Variants in KCNIP4 observed in about 807,000 individuals in gnomAD.
KCNIP4 encodes potassium voltage-gated channel interacting protein 4.
KCNIP4 carries 12 observed loss-of-function variants against 34.0 expected under a neutral mutation model. The ratio of observed to expected loss-of-function variants is 0.35; its 90% CI spans 0.23 to 0.57. The LOEUF (loss-of-function observed/expected upper bound fraction) is 0.57, where lower values mean the gene tolerates loss of function less well. Among genes scored for constraint, KCNIP4 ranks in the 20% least tolerant of loss-of-function variants. The pLI is 0.83. For missense variants in KCNIP4, 238 were observed against 311.7 expected (o/e 0.76, Z 1.78); for synonymous variants, 124 against 102.2 (o/e 1.21, Z -1.29).
chr4:21,913,912 T>C (rs1728484187), intron 1 of KCNIP4, among the ~76,000 whole-genome samples: 1 of 151,948 alleles, frequency 6.6e-6, no homozygotes, highest in African/African-American at 2.4e-5. Context: ...GTCCAAATAA[T>C]ATAAGGATGG....
At chr4:21,215,643 C>T (rs1757500023) in intron 1 of KCNIP4, among the ~76,000 whole-genome samples, 1 of 152,020 alleles carries the variant, frequency 6.6e-6, no homozygotes, top group Non-Finnish European at 1.5e-5. Flanking sequence ...AGGACTGTTG[C>T]CTGGCACATC....
chr4:21,929,050 C>A (rs1222747089), intron 1 of KCNIP4, among the ~76,000 whole-genome samples: 1 of 152,056 alleles, frequency 6.6e-6, no homozygotes, highest in Non-Finnish European at 1.5e-5. Flanking sequence ...ACTATATCCA[C>A]GAATGCAGCT....
At chr4:20,793,555 A>G (rs1416682170) in intron 3 of KCNIP4, among the ~76,000 whole-genome samples, 3 of 152,186 alleles carry the variant, frequency 2.0e-5, no homozygotes, top group Non-Finnish European at 4.4e-5. Context: ...GGTTTACTGC[A>G]GCAGTCCCCA....
At chr4:20,982,547 A>G (rs1009396574) in intron 1 of KCNIP4, among the ~76,000 whole-genome samples, 2 of 152,242 alleles carry the variant, frequency 1.3e-5, no homozygotes, top group Non-Finnish European at 2.9e-5. Flanking sequence ...TTACAGTATT[A>G]TTTGTATTGT....
At chr4:21,420,091 G>A (rs527264335) in intron 1 of KCNIP4, among the ~76,000 whole-genome samples, 7 of 152,096 alleles carry the variant, frequency 4.6e-5, no homozygotes, top group Admixed American at 1.3e-4. Flanking sequence ...GTATCCTCAC[G>A]AAATAGACAG....
At chr4:20,955,547 T>C (rs1161971094) in intron 1 of KCNIP4, among the ~76,000 whole-genome samples, 5 of 152,070 alleles carry the variant, frequency 3.3e-5, no homozygotes, top group East Asian at 3.9e-4. Context: ...GCCACTTCTA[T>C]CTTGAGCACT....
chr4:21,617,155 T>G (rs1486164522), intron 1 of KCNIP4, among the ~76,000 whole-genome samples: 4 of 152,198 alleles, frequency 2.6e-5, no homozygotes. Context: ...GATAACAAAT[T>G]AAAAGGTTGT....
At chr4:21,763,777 T>C (rs1718213972) in intron 1 of KCNIP4, among the ~76,000 whole-genome samples, 1 of 152,202 alleles carries the variant, frequency 6.6e-6, no homozygotes, top group Non-Finnish European at 1.5e-5. Flanking sequence ...TCTTGTTATA[T>C]ACATCTTCCT....
chr4:21,184,747 A>T (rs950527466), intron 1 of KCNIP4, among the ~76,000 whole-genome samples: 1 of 152,218 alleles, frequency 6.6e-6, no homozygotes, highest in African/African-American at 2.4e-5. Context: ...TGGCTAAGGA[A>T]AATCCATCTG....
intron 1 of KCNIP4, among the ~76,000 whole-genome samples, chr4:21,094,771 C>T (rs1298693909): frequency 1.3e-5 from 2 of 152,120 alleles, no homozygotes; most frequent in Non-Finnish European, 1.5e-5. Context: ...TCAAGCAGCC[C>T]TATGGAGAGG....
chr4:21,770,283 C>A (rs979990221), intron 1 of KCNIP4, among the ~76,000 whole-genome samples: 1 of 152,138 alleles, frequency 6.6e-6, no homozygotes, highest in African/African-American at 2.4e-5. Flanking sequence ...TATGTCCCTG[C>A]AAAAGATATG....
intron 1 of KCNIP4, among the ~76,000 whole-genome samples, chr4:21,255,197 A>G (rs1247124006): frequency 6.6e-6 from 1 of 151,662 alleles, no homozygotes; most frequent in Admixed American, 6.6e-5. Flanking sequence ...CTACCTGAGC[A>G]CCCTTCCTCC....
At chr4:20,775,091 C>A (rs533609054) in intron 3 of KCNIP4, among the ~76,000 whole-genome samples, 13 of 152,222 alleles carry the variant, frequency 8.5e-5, no homozygotes, top group African/African-American at 3.1e-4. Context: ...TACTGTGTAT[C>A]AGGCTCTCTG....
At chr4:21,526,006 G>A (rs540230741) in intron 1 of KCNIP4, among the ~76,000 whole-genome samples, 1 of 152,028 alleles carries the variant, frequency 6.6e-6, no homozygotes, top group Non-Finnish European at 1.5e-5. Context: ...TTTTTAACTG[G>A]AAGTTTTCTT....
chr4:20,931,104 T>C (rs1188298147), intron 1 of KCNIP4, among the ~76,000 whole-genome samples: 1 of 152,012 alleles, frequency 6.6e-6, no homozygotes, highest in Non-Finnish European at 1.5e-5. Flanking sequence ...TCATTGCATC[T>C]ATTCACAATA....
chr4:21,124,658 A>AG (rs1447854497), intron 1 of KCNIP4, among the ~76,000 whole-genome samples: 2 of 152,154 alleles, frequency 1.3e-5, no homozygotes, highest in East Asian at 3.9e-4. Context: ...GCATAAAAGA[A>AG]GGGGGGTCTT....
At chr4:21,286,746 A>T (rs1184508267) in intron 1 of KCNIP4, among the ~76,000 whole-genome samples, 6 of 152,186 alleles carry the variant, frequency 3.9e-5, no homozygotes, top group Non-Finnish European at 8.8e-5. Flanking sequence ...TTTGTTGATA[A>T]GAGAATTGAG....
intron 1 of KCNIP4, among the ~76,000 whole-genome samples, chr4:21,014,714 T>A (rs1452841080): frequency 1.3e-5 from 2 of 152,172 alleles, no homozygotes; most frequent in Non-Finnish European, 2.9e-5. Context: ...TGGTAGGGCC[T>A]CAAACAGTTA....
chr4:21,770,967 T>A (rs953216098), intron 1 of KCNIP4, among the ~76,000 whole-genome samples: 2 of 152,228 alleles, frequency 1.3e-5, no homozygotes, highest in Non-Finnish European at 2.9e-5. Flanking sequence ...GTTATCAATT[T>A]TGGCTTTTGT....
Sources: allele counts gnomAD v4.1 joint callset (sites outside exome capture counted in the v4.1 genomes callset), GRCh38; gene constraint gnomAD v4.1.1; transcripts MANE v1.5; gene names NCBI Gene and HGNC (gene_info 2026-07-23, HGNC 2026-07-21).